SHISA6: variants seen among roughly 807,000 people sequenced by gnomAD.
SHISA6 encodes shisa family member 6, also known as protein shisa-6.
SHISA6 carries 22 observed loss-of-function variants against 47.9 expected under a neutral mutation model. The observed-to-expected ratio is 0.46, with a 90% confidence interval of 0.33 to 0.66. SHISA6 has a LOEUF of 0.66. SHISA6 is among the 30% of genes least tolerant of loss of function. SHISA6 has a pLI of 0.02. For missense variants in SHISA6, 680 were observed against 764.6 expected (o/e 0.89, Z 1.30); for synonymous variants, 388 against 337.8 (o/e 1.15, Z -1.63).
chr17:11,378,729 G>A (rs560799989), intron 2 of SHISA6, among the ~76,000 whole-genome samples: 5 of 152,024 alleles, frequency 3.3e-5, no homozygotes, highest in East Asian at 1.9e-4. Flanking sequence ...AGCAGGCAGG[G>A]GATAGTGTCT....
chr17:11,397,236 T>C (rs965456500), intron 3 of SHISA6, among the ~76,000 whole-genome samples: 3 of 152,182 alleles, frequency 2.0e-5, no homozygotes, highest in Non-Finnish European at 4.4e-5. Context: ...ATCAATTTTA[T>C]TGGTATTTCT....
At chr17:11,263,839 G>A (rs1267243748) in intron 2 of SHISA6, among the ~76,000 whole-genome samples, 3 of 152,140 alleles carry the variant, frequency 2.0e-5, no homozygotes, top group Admixed American at 1.3e-4. Context: ...CCATCCATTC[G>A]CCCACGTGGT....
chr17:11,531,925 T>A (rs1240872115), intron 3 of SHISA6, among the ~76,000 whole-genome samples: 9 of 152,240 alleles, frequency 5.9e-5, no homozygotes, highest in Admixed American at 5.9e-4. Flanking sequence ...TGTACACATG[T>A]ATCAAAACAC....
At chr17:11,272,145 C>G (rs1908697297) in intron 2 of SHISA6, among the ~76,000 whole-genome samples, 1 of 152,122 alleles carries the variant, frequency 6.6e-6, no homozygotes, top group South Asian at 2.1e-4. Flanking sequence ...TCTTTTTTGG[C>G]TCTGCCATCA....
intron 2 of SHISA6, chr17:11,288,061 T>G (rs2142166318): frequency 6.6e-6 from 1 of 152,346 alleles, no homozygotes; most frequent in East Asian, 1.9e-4. Flanking sequence ...CACCTGATTA[T>G]TTTGAAGCAA....
chr17:11,257,383 G>A (rs752033217), intron 1 of SHISA6, among the ~76,000 whole-genome samples: 4 of 152,144 alleles, frequency 2.6e-5, no homozygotes, highest in Non-Finnish European at 4.4e-5. Context: ...GCACAGGGGC[G>A]GATGTAGTGG....
chr17:11,554,569 C>G (rs1051248110), intron 4 of SHISA6, among the ~76,000 whole-genome samples: 3 of 152,134 alleles, frequency 2.0e-5, no homozygotes, highest in African/African-American at 7.2e-5. Context: ...CACATTCGAC[C>G]GAAGTTAGAG....
intron 2 of SHISA6, among the ~76,000 whole-genome samples, chr17:11,264,759 C>T (rs1908362168): frequency 6.6e-6 from 1 of 152,140 alleles, no homozygotes; most frequent in African/African-American, 2.4e-5. Flanking sequence ...AATTTATTTT[C>T]CATTCATTCT....
At chr17:11,333,431 A>G (rs552112751) in intron 2 of SHISA6, among the ~76,000 whole-genome samples, 5 of 152,318 alleles carry the variant, frequency 3.3e-5, no homozygotes, top group African/African-American at 1.2e-4. Flanking sequence ...CAGGGACAGG[A>G]CAGGAGCTGG....
intron 3 of SHISA6, among the ~76,000 whole-genome samples, chr17:11,440,562 TC>T (rs1915068017): frequency 6.7e-6 from 1 of 150,152 alleles, no homozygotes; most frequent in Non-Finnish European, 1.5e-5. Flanking sequence ...CACTTGCCTG[TC>T]CCACAGGTTT....
intron 3 of SHISA6, among the ~76,000 whole-genome samples, chr17:11,549,103 T>G (rs1291356576): frequency 6.6e-6 from 1 of 152,220 alleles, no homozygotes; most frequent in African/African-American, 2.4e-5. Context: ...TAATTCATTT[T>G]AAAAACTACA....
At chr17:11,300,395 A>G (rs1400886893) in intron 2 of SHISA6, among the ~76,000 whole-genome samples, 3 of 152,148 alleles carry the variant, frequency 2.0e-5, no homozygotes, top group African/African-American at 7.2e-5. Flanking sequence ...AGCACTGGCA[A>G]CTGACTGCAG....
At chr17:11,490,988 C>G (rs2969213) in intron 3 of SHISA6, among the ~76,000 whole-genome samples, 2 of 152,040 alleles carry the variant, frequency 1.3e-5, no homozygotes, top group African/African-American at 4.8e-5. Context: ...GGCTCTTGCC[C>G]AATCTCAGCC....
chr17:11,383,636 C>T (rs900105847), intron 3 of SHISA6, among the ~76,000 whole-genome samples: 1 of 152,066 alleles, frequency 6.6e-6, no homozygotes, highest in Non-Finnish European at 1.5e-5. Flanking sequence ...TTCTGACACC[C>T]GTTTTCAGGA....
chr17:11,482,418 C>T (rs1186226120), intron 3 of SHISA6, among the ~76,000 whole-genome samples: 2 of 152,156 alleles, frequency 1.3e-5, no homozygotes. Context: ...TCTAAGAATA[C>T]ACCGGCCAAC....
rs1914901474 is a variant in SHISA6, at chr17:11,435,136, TCC to T, written c.895+55629_895+55630del. Reference sequence around the variant, plus strand: ...CTCTGTCTTTCTCTCTCTCTCTGTTTCCCTCTCTCTCTCTCTCTTTTTTAACC... The same window carrying T: ...CTCTGTCTTTCTCTCTCTCTCTGTTTCTCTCTCTCTCTCTCTTTTTTAACC... On this transcript the variant is annotated intron_variant, in intron 3 of 5. Coordinates refer to ENST00000441885, the MANE Select transcript of SHISA6 (RefSeq NM_207386.4). 2.0e-5 allele frequency among the ~76,000 whole-genome samples: 3 copies of T among 152,098 alleles called. No individual in the cohort carries two copies. The South Asian group carries it at 6.3e-4, about 32-fold the overall frequency.
At chr17:11,303,075 A>G (rs909757289) in intron 2 of SHISA6, among the ~76,000 whole-genome samples, 1 of 151,340 alleles carries the variant, frequency 6.6e-6, no homozygotes, top group Non-Finnish European at 1.5e-5. Flanking sequence ...TGCAGTGAGC[A>G]GCCTATGTGC....
intron 3 of SHISA6, among the ~76,000 whole-genome samples, chr17:11,394,851 C>T (rs935506269): frequency 3.3e-5 from 5 of 151,822 alleles, no homozygotes; most frequent in Admixed American, 6.6e-5. Context: ...TTTTTCATTA[C>T]GTATAATATA....
Position 11,562,135 on chromosome 17 carries a change from T to C in SHISA6, c.*3831T>C, listed in dbSNP as rs2142397188. On this transcript the variant is annotated 3_prime_UTR_variant, in exon 6 of 6. Coordinates refer to ENST00000441885, the MANE Select transcript of SHISA6 (RefSeq NM_207386.4). ...TCCTGCTTGTGTATGTCACTTATCC[T>C]CCTTTGTCCACAAAGACTTGAGGGC... 6.6e-6 allele frequency: 1 copy of C among 152,102 alleles called. No homozygotes were observed. The highest frequency in any genetic ancestry group is 2.1e-4 in the South Asian group (1 of 4,804). The allele number at this position is 152,102 out of a possible 1,614,324, so 9.4% of individuals were successfully genotyped here. A position where few individuals can be genotyped will look rare whatever the true frequency, so the allele number is the denominator to read the frequency against.
Sources: allele counts gnomAD v4.1 joint callset (sites outside exome capture counted in the v4.1 genomes callset), GRCh38; gene constraint gnomAD v4.1.1; transcripts MANE v1.5; gene names NCBI Gene and HGNC (gene_info 2026-07-23, HGNC 2026-07-21).